The following CTNNA3 variants were observed in gnomAD, a reference collection of about 807,000 sequenced individuals.
CTNNA3 encodes the protein catenin alpha 3.
Under a neutral mutation model 95.7 loss-of-function variants are expected in CTNNA3, and 76 were observed. The observed-to-expected ratio is 0.79, with a 90% CI of 0.66 to 0.96. The LOEUF (loss-of-function observed/expected upper bound fraction) is 0.96, where lower values mean the gene tolerates loss of function less well. Ranked by LOEUF, CTNNA3 falls within the 40% of genes least tolerant of loss-of-function variation. The probability of loss-of-function intolerance (pLI) is 0.00; values close to 1 mark genes in which losing one functional copy is unlikely to be tolerated. For missense variants in CTNNA3, 1,191 were observed against 1,089.8 expected (o/e 1.09, Z -1.31); for synonymous variants, 431 against 374.4 (o/e 1.15, Z -1.74).
At chr10:66,469,423 G>A (rs569911077) in intron 11 of CTNNA3, among the ~76,000 whole-genome samples, 55 of 151,792 alleles carry the variant, frequency 3.6e-4, no homozygotes, top group African/African-American at 8.9e-4. Flanking sequence ...GATTTTTTTC[G>A]CTGTAACCCA....
At chr10:67,742,734 AC>A (rs1456540011) in intron 1 of CTNNA3, among the ~76,000 whole-genome samples, 2 of 151,214 alleles carry the variant, frequency 1.3e-5, no homozygotes, top group African/African-American at 4.8e-5. Flanking sequence ...GAAAAGATCA[AC>A]AAAATTGATA....
At chr10:66,422,606 C>A (rs2093204930) in intron 11 of CTNNA3, among the ~76,000 whole-genome samples, 1 of 151,880 alleles carries the variant, frequency 6.6e-6, no homozygotes, top group Non-Finnish European at 1.5e-5. Flanking sequence ...TGTATCTACC[C>A]CCTCTTCTGG....
chr10:66,760,055 T>C (rs1839541422), intron 9 of CTNNA3, among the ~76,000 whole-genome samples: 1 of 152,182 alleles, frequency 6.6e-6, no homozygotes, highest in Non-Finnish European at 1.5e-5. Context: ...ACTAGTTCTA[T>C]TCTCTCTCTT....
chr10:66,467,750 T>TAA (rs1253740527), intron 11 of CTNNA3, among the ~76,000 whole-genome samples: 3 of 152,058 alleles, frequency 2.0e-5, no homozygotes, highest in Non-Finnish European at 4.4e-5. Context: ...AATCAGAACT[T>TAA]AGATTGTCCT....
chr10:67,516,321 T>C (rs1465730417), intron 5 of CTNNA3, among the ~76,000 whole-genome samples: 2 of 152,212 alleles, frequency 1.3e-5, no homozygotes, highest in African/African-American at 2.4e-5. Context: ...GATTCACTAC[T>C]TTTTTCTTGC....
At chr10:66,613,072 C>T (rs1026138216) in intron 10 of CTNNA3, among the ~76,000 whole-genome samples, 1 of 152,094 alleles carries the variant, frequency 6.6e-6, no homozygotes, top group African/African-American at 2.4e-5. Flanking sequence ...TATCACAGCA[C>T]ACACCATGAT....
At chr10:67,481,225 A>G (rs1267026601) in intron 5 of CTNNA3, among the ~76,000 whole-genome samples, 1 of 152,182 alleles carries the variant, frequency 6.6e-6, no homozygotes, top group Non-Finnish European at 1.5e-5. Context: ...AACAAGACAA[A>G]GATGCCCACT....
chr10:67,564,673 G>GTA (rs1183217023), intron 3 of CTNNA3, among the ~76,000 whole-genome samples: 17 of 72,386 alleles, frequency 2.3e-4, no homozygotes, highest in African/African-American at 1.3e-3. Flanking sequence ...ATGTGTGTGT[G>GTA]TGTGTATATA....
chr10:67,598,847 A>T (rs1438629431), intron 3 of CTNNA3, among the ~76,000 whole-genome samples: 1 of 152,168 alleles, frequency 6.6e-6, no homozygotes, highest in Non-Finnish European at 1.5e-5. Flanking sequence ...AAAAAATCTC[A>T]TAAAAGAGAA....
At chr10:67,230,715 T>G (rs939948564) in intron 5 of CTNNA3, among the ~76,000 whole-genome samples, 8 of 152,114 alleles carry the variant, frequency 5.3e-5, no homozygotes, top group Admixed American at 3.3e-4. Flanking sequence ...AGCTCCCAGC[T>G]TGAGCGACGC....
intron 7 of CTNNA3, among the ~76,000 whole-genome samples, chr10:67,092,873 T>C (rs1240761101): frequency 1.3e-5 from 2 of 152,016 alleles, no homozygotes; most frequent in African/African-American, 4.8e-5. Flanking sequence ...GAATCGAAAT[T>C]ATTCCTAAGG....
intron 13 of CTNNA3, among the ~76,000 whole-genome samples, chr10:66,154,699 C>G (rs539879536): frequency 2.4e-3 from 164 of 68,094 alleles, no homozygotes; most frequent in South Asian, 4.1e-3. Context: ...CTTTTTCTCT[C>G]TCTACTTTTT....
intron 2 of CTNNA3, among the ~76,000 whole-genome samples, chr10:67,637,265 T>A (rs1448274690): frequency 6.6e-6 from 1 of 152,144 alleles, no homozygotes; most frequent in Admixed American, 6.6e-5. Flanking sequence ...AGGGTATCAG[T>A]GATGGAACAT....
intron 2 of CTNNA3, among the ~76,000 whole-genome samples, chr10:67,642,516 G>A (rs193235839): frequency 3.9e-5 from 6 of 152,206 alleles, no homozygotes; most frequent in East Asian, 3.9e-4. Context: ...TCAGGAGTTC[G>A]AGACCAGCCT....
chr10:66,468,236 CAAAAGA>C (rs1838999781), intron 11 of CTNNA3, among the ~76,000 whole-genome samples: 1 of 151,624 alleles, frequency 6.6e-6, no homozygotes, highest in Non-Finnish European at 1.5e-5. Context: ...TCCGAACTCC[CAAAAGA>C]AAAAGGAATT....
rs562088631 is a variant in CTNNA3, at chr10:66,467,724, A to C, written c.1531+52893T>G. Among the ~76,000 whole-genome samples the C allele has an allele frequency of 5.9e-5, 9 of 152,210 alleles. No individual in the cohort carries two copies. In the South Asian group the frequency reaches 1.9e-3, roughly 32 times the overall value. On this transcript the variant is annotated intron_variant, in intron 11 of 17. Transcript: ENST00000433211. ...CCGCATAAAAGGGTTTAGAAAAAACAATAGCAGAGAAGTGAAATCAGAACT... is the reference window on the plus strand; with the variant it reads ...CCGCATAAAAGGGTTTAGAAAAAACCATAGCAGAGAAGTGAAATCAGAACT...
At chr10:67,485,755 C>A (rs139037252) in intron 5 of CTNNA3, among the ~76,000 whole-genome samples, 2 of 152,270 alleles carry the variant, frequency 1.3e-5, no homozygotes, top group East Asian at 3.9e-4. Flanking sequence ...GAGACAGAGG[C>A]TAACGGCATA....
intron 6 of CTNNA3, among the ~76,000 whole-genome samples, chr10:67,196,420 GA>G (rs900542685): frequency 5.3e-5 from 8 of 151,752 alleles, no homozygotes; most frequent in African/African-American, 9.7e-5. Context: ...TAGCACAACA[GA>G]AAAAAAGAAA....
rs1007139350 is a variant in CTNNA3, at chr10:66,033,472, TA to T, written c.2159+35835del. The stretch of plus-strand genomic sequence containing the variant: ...TAATCTGGATTCTAAACCTTTTTTT[TA>T]AAATGCATATAAGTCTTCTAAATCT... On this transcript the variant is annotated intron_variant, in intron 15 of 17. Transcript: ENST00000433211. Among the ~76,000 whole-genome samples, 77 of 151,996 alleles carry T rather than the reference TA, an allele frequency of 5.1e-4. No homozygotes were observed. In the Middle Eastern group the frequency reaches 0.01, roughly 20 times the overall value.
Sources: allele counts gnomAD v4.1 joint callset (sites outside exome capture counted in the v4.1 genomes callset), GRCh38; gene constraint gnomAD v4.1.1; transcripts MANE v1.5; gene names NCBI Gene and HGNC (gene_info 2026-07-23, HGNC 2026-07-21).